ANAPC1: variants seen among roughly 807,000 people sequenced by gnomAD.
ANAPC1 encodes anaphase-promoting complex subunit 1.
A neutral mutation model predicts 208.0 loss-of-function variants in ANAPC1; 36 were observed. That is an observed-to-expected ratio of 0.17 (90% CI 0.13 to 0.23). The LOEUF is 0.23. ANAPC1 is among the 10% of genes least tolerant of loss of function. The probability of loss-of-function intolerance (pLI) is 1.00; values close to 1 mark genes in which losing one functional copy is unlikely to be tolerated. For synonymous variants in ANAPC1, 378 were observed against 695.2 expected (o/e 0.54, Z 7.18); for missense variants, 942 against 2,011.6 (o/e 0.47, Z 10.17).
In ANAPC1 at chr2:111,794,703, A is replaced by G. The variant is rs568228796; in HGVS notation, c.4373+115T>C. 7 of 1,376,292 alleles carry G rather than the reference A, an allele frequency of 5.1e-6. No homozygotes were observed. The South Asian group carries it at 7.5e-5, about 15-fold the overall frequency. The allele number at this position is 1,376,292 out of a possible 1,614,324, so 85.3% of individuals were successfully genotyped here. On this transcript the variant is annotated intron_variant, in intron 35 of 47. Coordinates refer to ENST00000341068, the MANE Select transcript of ANAPC1 (RefSeq NM_022662.4). ...AACATCTGATAAATAATGGTTAGAAATATGTGGGATTCATAATTACTTAAA... is the reference window on the plus strand; with the variant it reads ...AACATCTGATAAATAATGGTTAGAAGTATGTGGGATTCATAATTACTTAAA...
At chr2:111,784,238 G>C (rs1477738184) in intron 41 of ANAPC1, 85 bp downstream of exon 41, 3 of 1,609,884 alleles carry the variant, frequency 1.9e-6, no homozygotes, top group Non-Finnish European at 1.7e-6. Context: ...GAAGAAAGCT[G>C]AGGCTTTTAT....
At chr2:111,770,204 TA>T (rs1483295629) in intron 47 of ANAPC1, among the ~76,000 whole-genome samples, 5 of 10,868 alleles carry the variant, frequency 4.6e-4, no homozygotes, top group Non-Finnish European at 7.5e-4. Flanking sequence ...TTTAATTTTA[TA>T]TATATATATA....
intron 20 of ANAPC1, among the ~76,000 whole-genome samples, chr2:111,831,771 G>A (rs1680146484): frequency 1.4e-5 from 2 of 147,446 alleles, no homozygotes; most frequent in Non-Finnish European, 3.0e-5. Flanking sequence ...AACCCAGGAG[G>A]TGGAGGTTGC....
At chr2:111,794,645 T>G (rs1678063815) in intron 35 of ANAPC1, among the ~76,000 whole-genome samples, 173 bp downstream of exon 35, 1 of 152,234 alleles carries the variant, frequency 6.6e-6, no homozygotes, top group Admixed American at 6.5e-5. Context: ...GGGCAAGAGC[T>G]CTATACTTCA....
intron 43 of ANAPC1, among the ~76,000 whole-genome samples, chr2:111,781,353 T>A (rs1205003589): frequency 6.6e-6 from 1 of 151,028 alleles, no homozygotes; most frequent in African/African-American, 2.4e-5. Context: ...TAAGTTAAAC[T>A]GTGTCCAAAA....
At chr2:111,790,861 G>A (rs1215795813) in intron 38 of ANAPC1, among the ~76,000 whole-genome samples, 2 of 152,190 alleles carry the variant, frequency 1.3e-5, no homozygotes, top group Non-Finnish European at 2.9e-5. Flanking sequence ...AACCAATGTG[G>A]AGCAGTCAAC....
At chr2:111,866,969 G>A (rs994266292) in intron 7 of ANAPC1, among the ~76,000 whole-genome samples, 1 of 152,106 alleles carries the variant, frequency 6.6e-6, no homozygotes, top group Non-Finnish European at 1.5e-5. Context: ...CATAATCTTT[G>A]TTATTTCCTA....
intron 11 of ANAPC1, among the ~76,000 whole-genome samples, chr2:111,857,948 G>A (rs1450358170): frequency 7.2e-6 from 1 of 138,798 alleles, no homozygotes; most frequent in Non-Finnish European, 1.6e-5. Flanking sequence ...ACACAAAAAG[G>A]TACACTGTGT....
Position 111,833,226 on chromosome 2 carries a change from C to T in ANAPC1, c.2470G>A (p.Asp824Asn). 6.3e-7 allele frequency: 1 copy of T among 1,590,060 alleles called. No homozygotes were observed. Among genetic ancestry groups the T allele is most frequent in the Non-Finnish European group, 8.6e-7 (1 of 1,162,688 alleles). Residue 824 changes from aspartate (D) to asparagine (N), a missense_variant, in exon 20 of 48, where the codon GAT becomes AAT. Transcript: ENST00000341068. Reference protein sequence around the residue: ...VRTTGQVCTIDPGQTGFMHHP... With the variant: ...VRTTGQVCTINPGQTGFMHHP... Reference sequence around the variant, plus strand: ...TAAAAGCACGACTACTTACCTGGATCAATTGTGCACACTTGTCCAGTAGTT... The same window carrying T: ...TAAAAGCACGACTACTTACCTGGATTAATTGTGCACACTTGTCCAGTAGTT...
At chr2:111,852,019 T>C (rs930920674) in intron 13 of ANAPC1, among the ~76,000 whole-genome samples, 1 of 151,870 alleles carries the variant, frequency 6.6e-6, no homozygotes, top group African/African-American at 2.4e-5. Flanking sequence ...ATAACAGAAG[T>C]TGCCCCAATA....
rs1444673358 is a variant in ANAPC1 at position 111,864,659 on chromosome 2, A to G, written c.831+147T>C. ...ATATTTTTGGTATAGATGGGGTTTC[A>G]CCATGTTGGCCAGGCTGGTCTTGAA... On this transcript the variant is annotated intron_variant, in intron 8 of 47. Transcript: ENST00000341068. The G allele has an allele frequency of 4.6e-6, 6 of 1,307,988 alleles. No individual in the cohort carries two copies. The East Asian group carries it at 1.7e-4, about 37-fold the overall frequency. 81.0% of individuals were successfully genotyped at this position (1,307,988 alleles called of 1,614,324 possible).
At chr2:111,852,325 C>T (rs1423731217) in intron 13 of ANAPC1, among the ~76,000 whole-genome samples, 1 of 151,084 alleles carries the variant, frequency 6.6e-6, no homozygotes, top group African/African-American at 2.4e-5. Flanking sequence ...AGGCCTTAGG[C>T]TTTCAAAGTG....
chr2:111,879,775 G>A (rs1405511615), intron 2 of ANAPC1, among the ~76,000 whole-genome samples: 1 of 151,928 alleles, frequency 6.6e-6, no homozygotes, highest in African/African-American at 2.4e-5. Flanking sequence ...GGGAGGCTGA[G>A]GCAGGAGAAT....
chr2:111,842,187 GA>G (rs1225545732), intron 17 of ANAPC1, among the ~76,000 whole-genome samples: 1 of 152,074 alleles, frequency 6.6e-6, no homozygotes, highest in Admixed American at 6.5e-5. Context: ...AGATATTTTA[GA>G]AAAAATTTTT....
intron 1 of ANAPC1, among the ~76,000 whole-genome samples, chr2:111,881,122 C>T (rs1478109485): frequency 1.3e-5 from 2 of 151,340 alleles, no homozygotes; most frequent in Admixed American, 1.3e-4. Flanking sequence ...CCCGTGTTTC[C>T]CACTACTATA....
In ANAPC1 at chr2:111,863,851, T is replaced by C. The variant is rs756249639; in HGVS notation, c.876A>G (p.Pro292=). The C allele has an allele frequency of 3.1e-6, 5 of 1,613,442 alleles. No homozygotes were observed. The highest frequency in any genetic ancestry group is 2.2e-5 in the South Asian group (2 of 91,060). ...GGGAGCTGCTAGTGGCCACATTCTGTGGGGTTCCCCCCTGTTCAGAGAACT... is the reference window on the plus strand; with the variant it reads ...GGGAGCTGCTAGTGGCCACATTCTGCGGGGTTCCCCCCTGTTCAGAGAACT... ...VLKFSEQGGT[P]QNVATSSSLT... Residue 292 remains proline (P), a synonymous_variant, in exon 9 of 48, where the codon CCA becomes CCG. Transcript: ENST00000341068.
intron 34 of ANAPC1, 22 bp downstream of exon 34, chr2:111,800,772 TATA>T (rs756500476): frequency 6.0e-6 from 3 of 498,434 alleles, no homozygotes; most frequent in African/African-American, 2.5e-5. Context: ...CTACTAAAGA[TATA>T]ATATTTATTA....
chr2:111,876,548 T>C (rs1314932721), intron 3 of ANAPC1, among the ~76,000 whole-genome samples: 2 of 152,138 alleles, frequency 1.3e-5, no homozygotes, highest in Non-Finnish European at 2.9e-5. Flanking sequence ...GATGAAGATA[T>C]AGAAGCAAAG....
At chr2:111,833,070 G>A (rs943941409) in intron 20 of ANAPC1, 150 bp downstream of exon 20, 93 of 1,126,984 alleles carry the variant, frequency 8.3e-5, no homozygotes, top group Admixed American at 1.8e-4. Context: ...CAGAAAACAA[G>A]CACTACGAAC....
Sources: allele counts gnomAD v4.1 joint callset (sites outside exome capture counted in the v4.1 genomes callset), GRCh38; gene constraint gnomAD v4.1.1; transcripts MANE v1.5; gene names NCBI Gene and HGNC (gene_info 2026-07-23, HGNC 2026-07-21).